NOX4: variants seen among roughly 807,000 people sequenced by gnomAD.
NOX4 encodes NADPH oxidase 4, also known as kidney oxidase-1.
NOX4 carries 69 observed loss-of-function variants against 87.6 expected under a neutral mutation model. The ratio of observed to expected loss-of-function variants is 0.79; its 90% CI spans 0.65 to 0.96. The LOEUF (loss-of-function observed/expected upper bound fraction) is 0.96, where lower values mean the gene tolerates loss of function less well. Ranked by LOEUF, NOX4 falls within the 40% of genes least tolerant of loss-of-function variation. The pLI is 0.00. For synonymous variants in NOX4, 275 were observed against 238.2 expected (o/e 1.15, Z -1.42); for missense variants, 680 against 681.5 (o/e 1.00, Z 0.02).
chr11:89,437,611 G>A (rs1448460254), intron 6 of NOX4, among the ~76,000 whole-genome samples: 1 of 151,974 alleles, frequency 6.6e-6, no homozygotes, highest in Non-Finnish European at 1.5e-5. Flanking sequence ...CTAATTTGCT[G>A]AATTGGGTGA....
chr11:89,370,921 C>CT (rs1939388894), intron 12 of NOX4, among the ~76,000 whole-genome samples: 1 of 151,970 alleles, frequency 6.6e-6, no homozygotes, highest in Non-Finnish European at 1.5e-5. Context: ...TAAACCTGCT[C>CT]TTTAGTCCCT....
chr11:89,561,072 T>C, the NOX4 span, among the ~76,000 whole-genome samples: 2 of 117,554 alleles, frequency 1.7e-5, 1 homozygote, highest in African/African-American at 6.5e-5. Flanking sequence ...TATATATATA[T>C]ATATATATAT....
intron 3 of NOX4, among the ~76,000 whole-genome samples, chr11:89,449,951 G>T (rs940137065): frequency 1.3e-5 from 2 of 152,030 alleles, no homozygotes; most frequent in South Asian, 4.1e-4. Context: ...AAATATATAT[G>T]ATTTCCTTTT....
chr11:89,329,120 T>C (rs1017034069), intron 17 of NOX4, among the ~76,000 whole-genome samples: 2 of 151,902 alleles, frequency 1.3e-5, no homozygotes, highest in Non-Finnish European at 1.5e-5. Context: ...GACGTGGTCA[T>C]TGAAGCAGTG....
intron 5 of NOX4, among the ~76,000 whole-genome samples, chr11:89,440,933 T>G (rs1944428166): frequency 6.6e-6 from 1 of 152,210 alleles, no homozygotes; most frequent in South Asian, 2.1e-4. Context: ...TCTATCCATC[T>G]GAGGCAAAAT....
chr11:89,457,746 A>G (rs552837622), intron 2 of NOX4, among the ~76,000 whole-genome samples: 1 of 152,330 alleles, frequency 6.6e-6, no homozygotes, highest in East Asian at 1.9e-4. Flanking sequence ...GACTAAAGGA[A>G]CATCAGCCCA....
At chr11:89,430,022 C>A (rs998374992) in intron 7 of NOX4, among the ~76,000 whole-genome samples, 7 of 152,182 alleles carry the variant, frequency 4.6e-5, no homozygotes, top group African/African-American at 1.7e-4. Context: ...AAGTGGGCTT[C>A]ATCCCTGGGA....
At chr11:89,482,333 C>T (rs1484189564) in intron 2 of NOX4, among the ~76,000 whole-genome samples, 4 of 152,048 alleles carry the variant, frequency 2.6e-5, no homozygotes, top group Non-Finnish European at 5.9e-5. Flanking sequence ...GGAAGACTGA[C>T]AAAGTTGGTA....
chr11:89,329,486 AAAAAT>A (rs1945376900), intron 17 of NOX4, among the ~76,000 whole-genome samples: 1 of 151,326 alleles, frequency 6.6e-6, no homozygotes, highest in Admixed American at 6.6e-5. Context: ...AAGAAAAAAA[AAAAAT>A]AAAAGATCTC....
intron 11 of NOX4, among the ~76,000 whole-genome samples, chr11:89,374,309 C>T (rs1335937607): frequency 2.0e-5 from 3 of 152,022 alleles, no homozygotes; most frequent in Non-Finnish European, 4.4e-5. Flanking sequence ...AAGCATTGTC[C>T]TACAGAATTA....
At chr11:89,410,759 C>A (rs1942435916) in intron 8 of NOX4, among the ~76,000 whole-genome samples, 1 of 152,180 alleles carries the variant, frequency 6.6e-6, no homozygotes, top group Non-Finnish European at 1.5e-5. Flanking sequence ...GGCTAAAGTG[C>A]TCTGGGATTG....
At chr11:89,524,509 C>T in the NOX4 span, among the ~76,000 whole-genome samples, 2 of 151,940 alleles carry the variant, frequency 1.3e-5, no homozygotes, top group African/African-American at 4.8e-5. Flanking sequence ...GCTTTCAAAC[C>T]ATATCAGACC....
the NOX4 span, among the ~76,000 whole-genome samples, chr11:89,544,702 C>T: frequency 6.6e-6 from 1 of 151,940 alleles, no homozygotes; most frequent in Admixed American, 6.6e-5. Flanking sequence ...GTAACTTTTC[C>T]AATTTTGTAG....
At chr11:89,406,004 T>C (rs1461837653) in intron 8 of NOX4, among the ~76,000 whole-genome samples, 7 of 152,120 alleles carry the variant, frequency 4.6e-5, no homozygotes, top group Non-Finnish European at 7.4e-5. Context: ...TATATGGCTA[T>C]AGACTTAGAA....
At chr11:89,390,999 G>A (rs1391490767) in intron 11 of NOX4, among the ~76,000 whole-genome samples, 2 of 152,106 alleles carry the variant, frequency 1.3e-5, no homozygotes. Context: ...GGAAGACTGT[G>A]CTATAAAGAG....
At chr11:89,493,168 C>T (rs1234669871), upstream of NOX4, among the ~76,000 whole-genome samples, 1 of 152,122 alleles carries the variant, frequency 6.6e-6, no homozygotes. Flanking sequence ...GGGTGGATCA[C>T]GGAGTCAGGA....
the NOX4 span, among the ~76,000 whole-genome samples, chr11:89,526,498 C>T: frequency 6.6e-6 from 1 of 152,152 alleles, no homozygotes; most frequent in Non-Finnish European, 1.5e-5. Flanking sequence ...TCTGTTCCCA[C>T]CCAAATATCA....
Position 89,451,772 on chromosome 11 carries a change from T to C in NOX4, c.264+13A>G. 3 of 1,544,416 alleles carry C rather than the reference T, an allele frequency of 1.9e-6. No individual in the cohort carries two copies. Among genetic ancestry groups the C allele is most frequent in the Non-Finnish European group, 2.7e-6 (3 of 1,116,818 alleles). ...TTATGCTGGAATTTGAAAGTAGGACTGTTTTTTCTTACCTTCTGTGATCCT... is the reference window on the plus strand; with the variant it reads ...TTATGCTGGAATTTGAAAGTAGGACCGTTTTTTCTTACCTTCTGTGATCCT... On this transcript the variant is annotated intron_variant, in intron 3 of 17. Transcript: ENST00000263317.
chr11:89,397,668 C>G (rs1941579243), intron 11 of NOX4, among the ~76,000 whole-genome samples: 1 of 152,024 alleles, frequency 6.6e-6, no homozygotes. Context: ...AAACTACCAT[C>G]AAAGAATGCT....
Sources: gnomAD v4.1 joint callset for allele counts (sites outside exome capture counted in the v4.1 genomes callset) on GRCh38, gnomAD v4.1.1 for gene constraint, MANE v1.5 for transcripts, NCBI Gene and HGNC (gene_info 2026-07-23, HGNC 2026-07-21) for gene names.